The following MAP3K5 variants were observed in gnomAD, a reference collection of about 807,000 sequenced individuals.
MAP3K5 encodes the protein mitogen-activated protein kinase kinase kinase 5.
MAP3K5 carries 56 observed loss-of-function variants against 158.7 expected under a neutral mutation model. That is an observed-to-expected ratio of 0.35 (90% CI 0.28 to 0.44). The LOEUF (loss-of-function observed/expected upper bound fraction) is 0.44. Among genes scored for constraint, MAP3K5 ranks in the 20% least tolerant of loss-of-function variants. The pLI, the probability that MAP3K5 is intolerant of heterozygous loss-of-function variation, is 1.00. For missense variants in MAP3K5, 1,294 were observed against 1,674.8 expected (o/e 0.77, Z 3.97); for synonymous variants, 579 against 601.7 (o/e 0.96, Z 0.55).
rs757526803 is a variant in MAP3K5 at position 136,669,308 on chromosome 6, T to C, written c.1341A>G (p.Glu447=). The C allele has an allele frequency of 1.2e-6, 2 of 1,613,676 alleles. No homozygotes were observed. The highest frequency in any genetic ancestry group is 1.7e-6 in the Non-Finnish European group (2 of 1,179,622). The part of the protein sequence containing the change: ...VLLLAAGHQF[E]SSFELRKVGV... ...CAACTTTCCGGAGCTCAAAGGAAGA[T>C]TCAAACTGGTGTCCAGCTGCCAGGA... Residue 447 remains glutamate (E), a synonymous_variant, in exon 8 of 30, where the codon GAA becomes GAG. Coordinates refer to ENST00000359015, the MANE Select transcript of MAP3K5 (RefSeq NM_005923.4).
intron 24 of MAP3K5, among the ~76,000 whole-genome samples, chr6:136,581,144 A>G (rs1166839553): frequency 6.6e-6 from 1 of 152,216 alleles, no homozygotes; most frequent in African/African-American, 2.4e-5. Flanking sequence ...GTCCCTGAAA[A>G]CAAGCATTTT....
intron 26 of MAP3K5, among the ~76,000 whole-genome samples, chr6:136,565,598 TA>T (rs1774064342): frequency 6.6e-6 from 1 of 152,198 alleles, no homozygotes; most frequent in Non-Finnish European, 1.5e-5. Context: ...ATTCTAAGCT[TA>T]CAATTTTTAA....
chr6:136,688,366 C>T (rs1288991957), intron 7 of MAP3K5, among the ~76,000 whole-genome samples: 1 of 151,884 alleles, frequency 6.6e-6, no homozygotes, highest in Non-Finnish European at 1.5e-5. Context: ...TATATATATA[C>T]CTATGTAACA....
chr6:136,588,305 C>A (rs1775227957), intron 23 of MAP3K5, among the ~76,000 whole-genome samples: 1 of 152,162 alleles, frequency 6.6e-6, no homozygotes, highest in Non-Finnish European at 1.5e-5. Context: ...ATCCTAACTC[C>A]ATCACTTAGG....
intron 19 of MAP3K5, 147 bp downstream of exon 19, chr6:136,605,062 C>T (rs1367319060): frequency 9.6e-6 from 7 of 731,476 alleles, no homozygotes; most frequent in Admixed American, 3.1e-5. Flanking sequence ...TGGTTCTAAC[C>T]GAGAGAGAAT....
intron 2 of MAP3K5, among the ~76,000 whole-genome samples, chr6:136,706,270 AAAG>A (rs1781072984): frequency 6.6e-6 from 1 of 152,316 alleles, no homozygotes; most frequent in East Asian, 1.9e-4. Flanking sequence ...CTCAAAAAAA[AAAG>A]AATGGGATAA....
chr6:136,559,353 AAAAAAC>A lies in MAP3K5; in HGVS notation c.3988-483_3988-478del, dbSNP rs147599173. On this transcript the variant is annotated intron_variant, in intron 28 of 29. Transcript: ENST00000359015. ...GGCGACAGAGTGAGACTCCGTCTCA[AAAAAAC>A]AAAAACAAAAACAAAAACAAAAACA... Among the ~76,000 whole-genome samples the A allele has an allele frequency of 5.7e-3, 710 of 125,166 alleles. 7 individuals are homozygous for A. The highest frequency in any genetic ancestry group is 0.025 in the Middle Eastern group (7 of 280). 82.1% of individuals were successfully genotyped at this position (125,166 alleles called of 152,430 possible).
chr6:136,707,779 G>A (rs1435000969), intron 2 of MAP3K5, among the ~76,000 whole-genome samples: 1 of 152,186 alleles, frequency 6.6e-6, no homozygotes, highest in African/African-American at 2.4e-5. Flanking sequence ...GGCACCATTT[G>A]TACTAGTAAA....
rs1774187919 is a variant in MAP3K5, at chr6:136,567,872, G to A, written c.3520C>T (p.Leu1174=). Residue 1174 remains leucine, a splice_region_variant and synonymous_variant, in exon 26 of 30, where the codon CTA becomes TTA. Transcript: ENST00000359015. The stretch of plus-strand genomic sequence containing the variant: ...GATGCAAGGCTGAAATGTGGCCTTA[G>A]TTCTGTTTGGCATAATATCAGTGGT... ...QTAITILVPE[L]RPHFSLASES... The A allele has an allele frequency of 6.2e-7, 1 of 1,613,592 alleles. No individual in the cohort carries two copies. Among genetic ancestry groups the A allele is most frequent in the Non-Finnish European group, 8.5e-7 (1 of 1,179,924 alleles).
chr6:136,684,217 A>T (rs1288860507), intron 7 of MAP3K5, among the ~76,000 whole-genome samples: 1 of 151,514 alleles, frequency 6.6e-6, no homozygotes, highest in East Asian at 1.9e-4. Flanking sequence ...ACCCTATCTC[A>T]ATTTTTTTTT....
chr6:136,723,483 T>C (rs1781831235), intron 1 of MAP3K5, among the ~76,000 whole-genome samples: 1 of 152,172 alleles, frequency 6.6e-6, no homozygotes, highest in Non-Finnish European at 1.5e-5. Context: ...TTGTTGGTAA[T>C]AGCTGTGTTA....
At position 136,629,766 on chromosome 6, in the gene MAP3K5, C is replaced by CATTTATTT. The variant is rs56675510; in HGVS notation, c.2017-6793_2017-6786dup. On this transcript the variant is annotated intron_variant, in intron 14 of 29. Coordinates refer to ENST00000359015, the MANE Select transcript of MAP3K5 (RefSeq NM_005923.4). ...ATGGCGCCCGGCCATATCTCACCTTCATTTATTTATTTATTTATTTATTTA... is the reference window on the plus strand; with the variant it reads ...ATGGCGCCCGGCCATATCTCACCTTCATTTATTTATTTATTTATTTATTTATTTATTTA... Among the ~76,000 whole-genome samples the CATTTATTT allele has an allele frequency of 4.5e-3, 665 of 148,216 alleles. 8 individuals are homozygous for CATTTATTT. Among genetic ancestry groups the CATTTATTT allele is most frequent in the Admixed American group, 0.015 (225 of 14,904 alleles).
intron 1 of MAP3K5, among the ~76,000 whole-genome samples, chr6:136,730,150 G>T (rs1782148658): frequency 9.2e-6 from 1 of 108,136 alleles, no homozygotes; most frequent in Admixed American, 8.8e-5. Context: ...TTGTTGTTTG[G>T]TTGTTTTTTT....
At position 136,578,706 on chromosome 6, in the gene MAP3K5, A is replaced by G. The variant is rs144507217; in HGVS notation, c.3517+1595T>C. 6.4e-3 allele frequency among the ~76,000 whole-genome samples: 973 copies of G among 152,280 alleles called. 16 individuals are homozygous for G. The highest frequency in any genetic ancestry group is 0.022 in the African/African-American group (906 of 41,552). On this transcript the variant is annotated intron_variant, in intron 25 of 29. Transcript: ENST00000359015. Reference sequence around the variant, plus strand: ...AGCAGAACTTCTGTTTCTTTCTTACATAAGAAATAACTTAATCTTGACCAA... The same window carrying G: ...AGCAGAACTTCTGTTTCTTTCTTACGTAAGAAATAACTTAATCTTGACCAA...
intron 1 of MAP3K5, among the ~76,000 whole-genome samples, chr6:136,788,248 C>T (rs1784927017): frequency 6.6e-6 from 1 of 152,016 alleles, no homozygotes; most frequent in Admixed American, 6.6e-5. Flanking sequence ...AAAATTGGAC[C>T]CCTATCTATC....
At chr6:136,762,631 C>T (rs558309824) in intron 1 of MAP3K5, among the ~76,000 whole-genome samples, 48 of 152,276 alleles carry the variant, frequency 3.2e-4, no homozygotes, top group Non-Finnish European at 3.8e-4. Flanking sequence ...GGTAAAGCAC[C>T]GAGGGAAATT....
intron 14 of MAP3K5, among the ~76,000 whole-genome samples, chr6:136,630,054 A>C (rs770096005): frequency 6.6e-6 from 1 of 152,032 alleles, no homozygotes; most frequent in Non-Finnish European, 1.5e-5. Context: ...CCCGGCCTAA[A>C]TCTTACCTTC....
rs573966191 is a variant in MAP3K5 at position 136,600,911 on chromosome 6, TC to T, written c.2878+110del. 42 of 1,109,910 alleles carry T rather than the reference TC, an allele frequency of 3.8e-5. No homozygotes were observed. In the Admixed American group the frequency reaches 7.2e-4, roughly 19 times the overall value. The allele number at this position is 1,109,910 out of a possible 1,614,324, so 68.8% of individuals were successfully genotyped here. A position where few individuals can be genotyped will look rare whatever the true frequency, so the allele number is the denominator to read the frequency against. On this transcript the variant is annotated intron_variant, in intron 21 of 29. Coordinates refer to ENST00000359015, the MANE Select transcript of MAP3K5 (RefSeq NM_005923.4). Reference sequence around the variant, plus strand: ...TAGTATCTAGTACCGCACCCTCCTTTCCCCCCATGTAAGCCAGGAGCAGAGC... The same window carrying T: ...TAGTATCTAGTACCGCACCCTCCTTTCCCCCATGTAAGCCAGGAGCAGAGC...
Position 136,697,335 on chromosome 6 carries a change from A to C in MAP3K5, c.859T>G (p.Tyr287Asp). The C allele has an allele frequency of 6.2e-7, 1 of 1,613,776 alleles. No individual in the cohort carries two copies. The highest frequency in any genetic ancestry group is 8.5e-7 in the Non-Finnish European group (1 of 1,179,770). Reference protein sequence around the residue: ...LNDIRKARNLYTGKELAAELA... With the variant: ...LNDIRKARNLDTGKELAAELA... The stretch of plus-strand genomic sequence containing the variant: ...TCAGCTGCCAATTCTTTACCAGTGT[A>C]TAAATTACGAGCTTTCCTGATGTCA... The change falls in exon 5 of 30, where the codon TAC (tyrosine) becomes GAC (aspartate). Residue 287 changes from tyrosine (Y) to aspartate (D), a missense_variant. Transcript: ENST00000359015.
Sources: allele counts gnomAD v4.1 joint callset (sites outside exome capture counted in the v4.1 genomes callset), GRCh38; gene constraint gnomAD v4.1.1; transcripts MANE v1.5; gene names NCBI Gene and HGNC (gene_info 2026-07-23, HGNC 2026-07-21).